SHB: variants seen among roughly 807,000 people sequenced by gnomAD.
The protein encoded by SHB is SH2 domain containing adaptor protein B.
In SHB, 20 loss-of-function variants were observed where a neutral mutation model predicts 52.3. That is an observed-to-expected ratio of 0.38 (90% CI 0.27 to 0.56). The LOEUF (loss-of-function observed/expected upper bound fraction) is 0.56, where lower values mean the gene tolerates loss of function less well. Ranked by LOEUF, SHB falls within the 20% of genes least tolerant of loss-of-function variation. SHB has a pLI of 0.71. For synonymous variants in SHB, 397 were observed against 316.5 expected (o/e 1.25, Z -2.70); for missense variants, 825 against 723.3 (o/e 1.14, Z -1.61).
At chr9:37,980,350 T>A (rs995984841) in intron 2 of SHB, among the ~76,000 whole-genome samples, 1 of 152,250 alleles carries the variant, frequency 6.6e-6, no homozygotes, top group African/African-American at 2.4e-5. Flanking sequence ...CAGGAATAGA[T>A]TCTATCTCAA....
chr9:37,979,014 C>T (rs959972144), intron 2 of SHB, among the ~76,000 whole-genome samples: 3 of 152,196 alleles, frequency 2.0e-5, no homozygotes, highest in East Asian at 3.8e-4. Flanking sequence ...ACCAACAGCT[C>T]CAGGACATCG....
chr9:38,004,411 C>T (rs1564099635), intron 2 of SHB, among the ~76,000 whole-genome samples: 1 of 152,106 alleles, frequency 6.6e-6, no homozygotes, highest in Non-Finnish European at 1.5e-5. Context: ...CGCGGTGGAG[C>T]TGAGTGAATA....
At chr9:38,014,640 G>A (rs1300664722) in intron 2 of SHB, among the ~76,000 whole-genome samples, 1 of 152,214 alleles carries the variant, frequency 6.6e-6, no homozygotes, top group Admixed American at 6.5e-5. Context: ...TGAGAGGGAT[G>A]CTCCAGAAGT....
intron 2 of SHB, among the ~76,000 whole-genome samples, chr9:38,014,562 A>T (rs756114502): frequency 6.6e-6 from 1 of 152,248 alleles, no homozygotes; most frequent in African/African-American, 2.4e-5. Flanking sequence ...ACACAAGCTC[A>T]ACTCTTGGCC....
intron 1 of SHB, among the ~76,000 whole-genome samples, chr9:38,061,743 A>G (rs975090887): frequency 1.3e-5 from 2 of 152,220 alleles, no homozygotes; most frequent in Admixed American, 1.3e-4. Flanking sequence ...ATCTCCTTCA[A>G]GGAAACTTAA....
At chr9:37,960,699 G>T (rs1404675832) in intron 3 of SHB, among the ~76,000 whole-genome samples, 2 of 152,150 alleles carry the variant, frequency 1.3e-5, no homozygotes, top group Admixed American at 6.5e-5. Context: ...CTTTCTGCTT[G>T]TATGACAGAT....
intron 3 of SHB, among the ~76,000 whole-genome samples, chr9:37,971,650 C>T (rs773322974): frequency 2.6e-5 from 4 of 152,146 alleles, no homozygotes; most frequent in African/African-American, 9.7e-5. Context: ...GAGACACAGA[C>T]GTGGATGTGA....
At chr9:37,967,700 C>A (rs1323629584) in intron 3 of SHB, among the ~76,000 whole-genome samples, 2 of 152,262 alleles carry the variant, frequency 1.3e-5, no homozygotes, top group African/African-American at 2.4e-5. Flanking sequence ...AACTCCCATG[C>A]CTCACCCCGG....
intron 4 of SHB, among the ~76,000 whole-genome samples, chr9:37,954,932 G>T (rs1467758406): frequency 6.6e-6 from 1 of 152,022 alleles, no homozygotes. Flanking sequence ...GCACAGTGCT[G>T]GGGGGCAGCA....
At chr9:37,921,376 G>A (rs1048773208) in intron 5 of SHB, among the ~76,000 whole-genome samples, 1 of 152,180 alleles carries the variant, frequency 6.6e-6, no homozygotes, top group African/African-American at 2.4e-5. Context: ...AGTCAGGACT[G>A]GGCTTCCCAA....
intron 2 of SHB, among the ~76,000 whole-genome samples, chr9:37,999,670 C>G (rs1820989700): frequency 6.6e-6 from 1 of 152,154 alleles, no homozygotes; most frequent in African/African-American, 2.4e-5. Flanking sequence ...AGCCCAACCA[C>G]CAGCAGCACG....
In SHB at chr9:38,068,724, G is replaced by A; in HGVS notation, c.-79C>T. ...ATTCGGGGGGCAGCGCTGCGGCGCA[G>A]GTCCCTCGGCGCCCCGGCCCCGGCG... On this transcript the variant is annotated 5_prime_UTR_variant, in exon 1 of 6. Transcript: ENST00000377707. 1.9e-6 allele frequency: 2 copies of A among 1,053,098 alleles called. No individual in the cohort carries two copies. Among genetic ancestry groups the A allele is most frequent in the Non-Finnish European group, 1.2e-6 (1 of 849,770 alleles). The allele number at this position is 1,053,098 out of a possible 1,614,324, so 65.2% of individuals were successfully genotyped here. A position where few individuals can be genotyped will look rare whatever the true frequency, so the allele number is the denominator to read the frequency against.
chr9:37,977,511 A>G (rs1340676887), intron 2 of SHB, among the ~76,000 whole-genome samples: 1 of 152,246 alleles, frequency 6.6e-6, no homozygotes, highest in East Asian at 1.9e-4. Flanking sequence ...GGGTCCCATG[A>G]GTAAACTCGG....
chr9:37,970,482 C>T (rs138903909), intron 3 of SHB, among the ~76,000 whole-genome samples: 5 of 152,056 alleles, frequency 3.3e-5, no homozygotes, highest in African/African-American at 1.2e-4. Flanking sequence ...CCAAGAAGGG[C>T]GCCCCGGTGG....
At chr9:37,939,216 A>G (rs1175282148) in intron 5 of SHB, among the ~76,000 whole-genome samples, 1 of 152,210 alleles carries the variant, frequency 6.6e-6, no homozygotes, top group Non-Finnish European at 1.5e-5. Context: ...GCTACCAGAT[A>G]GTCTCAGCAT....
intron 3 of SHB, among the ~76,000 whole-genome samples, chr9:37,968,361 C>T (rs151159834): frequency 7.2e-5 from 11 of 152,262 alleles, no homozygotes; most frequent in African/African-American, 1.2e-4. Context: ...AGGGTGGAGC[C>T]GGCATGTGAA....
chr9:38,019,769 T>TG (rs1821260024), intron 1 of SHB, among the ~76,000 whole-genome samples: 1 of 96,196 alleles, frequency 1.0e-5, no homozygotes, highest in Non-Finnish European at 2.3e-5. Flanking sequence ...TAAGGGTCCA[T>TG]GGGAAGGATG....
At chr9:37,944,711 G>A (rs1015700590) in intron 5 of SHB, among the ~76,000 whole-genome samples, 4 of 152,118 alleles carry the variant, frequency 2.6e-5, no homozygotes, top group African/African-American at 9.7e-5. Context: ...GGGAGCCCCC[G>A]AGACCCGCCA....
chr9:37,972,009 C>G (rs778569703), intron 3 of SHB, among the ~76,000 whole-genome samples: 1 of 152,152 alleles, frequency 6.6e-6, no homozygotes, highest in African/African-American at 2.4e-5. Flanking sequence ...CATTTCTAAC[C>G]AGCACTGGGT....
Sources: allele counts gnomAD v4.1 joint callset (sites outside exome capture counted in the v4.1 genomes callset), GRCh38; gene constraint gnomAD v4.1.1; transcripts MANE v1.5; gene names NCBI Gene and HGNC (gene_info 2026-07-23, HGNC 2026-07-21).